TM4SF4: variants seen among roughly 807,000 people sequenced by gnomAD.
The protein encoded by TM4SF4 is transmembrane 4 L six family member 4, also known as transmembrane 4 L6 family member 4.
In TM4SF4, 24 loss-of-function variants were observed where a neutral mutation model predicts 24.1. That is an observed-to-expected ratio of 1.00 (90% CI 0.72 to 1.40). TM4SF4 has a LOEUF of 1.40. Among genes scored for constraint, TM4SF4 ranks in the 40% most tolerant of loss-of-function variants. TM4SF4 has a pLI of 0.00. For synonymous variants in TM4SF4, 113 were observed against 97.0 expected (o/e 1.17, Z -0.97); for missense variants, 254 against 254.2 (o/e 1.00, Z 0.01).
intron 3 of TM4SF4, among the ~76,000 whole-genome samples, chr3:149,490,159 C>A (rs1293849194): frequency 6.6e-6 from 1 of 152,214 alleles, no homozygotes; most frequent in African/African-American, 2.4e-5. Context: ...ACAGGAAGGG[C>A]ATTCAGGGGA....
chr3:149,479,045 G>A (rs959149631), intron 2 of TM4SF4, among the ~76,000 whole-genome samples: 1 of 152,194 alleles, frequency 6.6e-6, no homozygotes, highest in Non-Finnish European at 1.5e-5. Flanking sequence ...GGGATTACAG[G>A]CGTGAGCCAC....
rs750505968 is a variant in TM4SF4 at position 149,498,874 on chromosome 3, C to CTGT, written c.554_555insTGT (p.Thr185_Leu186insVal). On this transcript the variant is annotated inframe_insertion, in exon 4 of 5. Coordinates refer to ENST00000305354, the MANE Select transcript of TM4SF4 (RefSeq NM_004617.4). ...CAGGTGGTCAATGGCCTCCTGGGGA[C>CTGT]CCTCTGTGGGGACTGCCAGTGTTGT... is the stretch of plus-strand genomic sequence containing the variant. The CTGT allele has an allele frequency of 1.9e-6, 3 of 1,613,850 alleles. No homozygotes were observed. In the East Asian group the frequency reaches 6.7e-5, roughly 36 times the overall value.
intron 2 of TM4SF4, among the ~76,000 whole-genome samples, chr3:149,487,150 G>C (rs1191454311): frequency 6.6e-6 from 1 of 152,178 alleles, no homozygotes; most frequent in Non-Finnish European, 1.5e-5. Context: ...AGCTACTCAG[G>C]AGGCTGAGGC....
intron 2 of TM4SF4, among the ~76,000 whole-genome samples, chr3:149,478,527 T>C (rs112650044): frequency 6.6e-6 from 1 of 152,228 alleles, no homozygotes; most frequent in African/African-American, 2.4e-5. Context: ...CTTCCCAATA[T>C]AGGTTGTCTG....
At chr3:149,486,686 TA>T (rs1734121655) in intron 2 of TM4SF4, among the ~76,000 whole-genome samples, 1 of 152,222 alleles carries the variant, frequency 6.6e-6, no homozygotes, top group African/African-American at 2.4e-5. Context: ...GAAAAATATT[TA>T]AAAGAATGGA....
At chr3:149,501,985 A>G (rs1487151169) in intron 4 of TM4SF4, among the ~76,000 whole-genome samples, 1 of 152,160 alleles carries the variant, frequency 6.6e-6, no homozygotes, top group African/African-American at 2.4e-5. Flanking sequence ...GGCTATTAAT[A>G]CCTACTCCTA....
At chr3:149,476,759 T>C (rs1733935558) in intron 2 of TM4SF4, among the ~76,000 whole-genome samples, 2 of 151,976 alleles carry the variant, frequency 1.3e-5, no homozygotes, top group African/African-American at 4.8e-5. Flanking sequence ...AGATCTTATT[T>C]TGGTAGACAT....
intron 3 of TM4SF4, among the ~76,000 whole-genome samples, chr3:149,489,856 C>A (rs1315082479): frequency 6.6e-6 from 1 of 152,062 alleles, no homozygotes; most frequent in Admixed American, 6.6e-5. Flanking sequence ...GTAAACCTTG[C>A]AGGCAAGCGG....
chr3:149,501,044 G>A (rs1734412557), intron 4 of TM4SF4, among the ~76,000 whole-genome samples: 1 of 150,326 alleles, frequency 6.7e-6, no homozygotes, highest in African/African-American at 2.4e-5. Flanking sequence ...AAAAGAGAGA[G>A]AGAGAAAGAA....
chr3:149,493,194 A>G (rs534030240), intron 3 of TM4SF4, among the ~76,000 whole-genome samples: 51 of 152,312 alleles, frequency 3.3e-4, no homozygotes, highest in African/African-American at 1.2e-3. Context: ...AACTTTAAAA[A>G]TGTTATGCTT....
At chr3:149,500,246 G>T (rs537204872) in intron 4 of TM4SF4, among the ~76,000 whole-genome samples, 1 of 151,826 alleles carries the variant, frequency 6.6e-6, no homozygotes, top group African/African-American at 2.4e-5. Context: ...TCTGTGAATA[G>T]AAAAATAAAA....
chr3:149,491,471 AAAAAC>A (rs56119981), intron 3 of TM4SF4, among the ~76,000 whole-genome samples: 51 of 150,798 alleles, frequency 3.4e-4, no homozygotes, highest in East Asian at 6.0e-4. Context: ...GTCTCAAACA[AAAAAC>A]AAAACAAAAC....
Position 149,475,805 on chromosome 3 carries a change from T to G in TM4SF4, c.175-18T>G. On this transcript the variant is annotated intron_variant, in intron 1 of 4. Transcript: ENST00000305354. ...TTCAACTCCTGGACTCTCTCTGAGGTGCCTCTTCTCCTGGTAGATGATCTT... is the reference window on the plus strand; with the variant it reads ...TTCAACTCCTGGACTCTCTCTGAGGGGCCTCTTCTCCTGGTAGATGATCTT... 2 of 1,595,698 alleles carry G rather than the reference T, an allele frequency of 1.3e-6. No homozygotes were observed. Among genetic ancestry groups the G allele is most frequent in the South Asian group, 2.3e-5 (2 of 87,986 alleles).
chr3:149,489,605 G>A (rs1158475242), intron 3 of TM4SF4, among the ~76,000 whole-genome samples: 1 of 152,198 alleles, frequency 6.6e-6, no homozygotes, highest in Non-Finnish European at 1.5e-5. Flanking sequence ...GTGACAGCTG[G>A]CCTGTGGGTC....
At chr3:149,476,802 GTTTTTGTTTTTGTTTTT>G (rs1733937426) in intron 2 of TM4SF4, among the ~76,000 whole-genome samples, 3 of 51,642 alleles carry the variant, frequency 5.8e-5, no homozygotes, top group Middle Eastern at 0.023. Flanking sequence ...GTTTTTTTTT[GTTTTTGTTTTTGTTTTT>G]TTTTTTTTTT....
intron 3 of TM4SF4, among the ~76,000 whole-genome samples, chr3:149,490,252 C>G (rs373750037): frequency 6.6e-6 from 1 of 152,226 alleles, no homozygotes; most frequent in Non-Finnish European, 1.5e-5. Context: ...CCTGTTTCCT[C>G]CCTTCTGAGA....
intron 2 of TM4SF4, among the ~76,000 whole-genome samples, chr3:149,483,166 G>A (rs999408353): frequency 4.6e-5 from 7 of 152,142 alleles, no homozygotes; most frequent in Non-Finnish European, 1.0e-4. Context: ...TGAAAGGGTG[G>A]TAGGTAGCAT....
At chr3:149,479,958 A>C (rs925299586) in intron 2 of TM4SF4, among the ~76,000 whole-genome samples, 7 of 152,196 alleles carry the variant, frequency 4.6e-5, no homozygotes, top group Non-Finnish European at 8.8e-5. Flanking sequence ...AGATAAAGCA[A>C]GACAATAAGC....
chr3:149,491,816 A>G (rs1253907062), intron 3 of TM4SF4, among the ~76,000 whole-genome samples: 32 of 152,168 alleles, frequency 2.1e-4, no homozygotes. Flanking sequence ...TTTGCCTTCC[A>G]GTGAGGAAGG....
Sources: allele counts gnomAD v4.1 joint callset (sites outside exome capture counted in the v4.1 genomes callset), GRCh38; gene constraint gnomAD v4.1.1; transcripts MANE v1.5; gene names NCBI Gene and HGNC (gene_info 2026-07-23, HGNC 2026-07-21).